Variants in LIMA1 observed in about 807,000 individuals in gnomAD.
LIMA1 encodes LIM domain and actin-binding protein 1.
LIMA1 carries 52 observed loss-of-function variants against 62.6 expected under a neutral mutation model. The observed-to-expected ratio is 0.83, with a 90% CI of 0.67 to 1.05. LIMA1 has a LOEUF of 1.05. LIMA1 is among the 50% of genes least tolerant of loss of function. LIMA1 has a pLI of 0.00. For synonymous variants in LIMA1, 302 were observed against 317.8 expected (o/e 0.95, Z 0.53); for missense variants, 780 against 902.2 (o/e 0.86, Z 1.74).
At chr12:50,206,235 G>A (rs933005401) in intron 4 of LIMA1, among the ~76,000 whole-genome samples, 167 bp from the exon 5 acceptor site, 1 of 151,868 alleles carries the variant, frequency 6.6e-6, no homozygotes, top group Non-Finnish European at 1.5e-5. Context: ...ACATTCACAG[G>A]TGCCCAGGGA....
chr12:50,202,222 G>A (rs1941065673), intron 6 of LIMA1: 1 of 152,240 alleles, frequency 6.6e-6, no homozygotes, highest in Non-Finnish European at 1.5e-5. Flanking sequence ...CTCCAGAACT[G>A]CTGCCAGAGA....
chr12:50,187,748 C>T (rs1312600012), intron 9 of LIMA1: 1 of 152,174 alleles, frequency 6.6e-6, no homozygotes. Context: ...GTGCCATGTT[C>T]TCTCTCAACA....
At chr12:50,199,330 CCAAA>C (rs943282450) in intron 7 of LIMA1, among the ~76,000 whole-genome samples, 13 of 152,140 alleles carry the variant, frequency 8.5e-5, no homozygotes, top group African/African-American at 1.9e-4. Context: ...GACTCCATCT[CCAAA>C]CAAACAAACA....
chr12:50,213,538 A>G (rs1269689116), intron 4 of LIMA1, among the ~76,000 whole-genome samples: 1 of 152,272 alleles, frequency 6.6e-6, no homozygotes, highest in Non-Finnish European at 1.5e-5. Flanking sequence ...GCTGGATTAA[A>G]TAACTTCTTA....
chr12:50,224,051 AAAATT>A (rs753681774), intron 3 of LIMA1, among the ~76,000 whole-genome samples: 23 of 152,278 alleles, frequency 1.5e-4, no homozygotes, highest in South Asian at 4.1e-4. Flanking sequence ...AAAAAAAAGA[AAAATT>A]AAATTAAATT....
chr12:50,260,936 A>ACCC (rs1942059041), intron 1 of LIMA1, among the ~76,000 whole-genome samples: 3 of 150,744 alleles, frequency 2.0e-5, no homozygotes, highest in African/African-American at 7.3e-5. Context: ...GCCCCAAAAA[A>ACCC]AAAAAAAAAA....
chr12:50,255,483 G>A (rs1167425764), intron 1 of LIMA1, among the ~76,000 whole-genome samples: 1 of 148,824 alleles, frequency 6.7e-6, no homozygotes, highest in Non-Finnish European at 1.5e-5. Flanking sequence ...GAGCCTAGAG[G>A]TTAAGGTTGC....
chr12:50,251,495 C>T (rs1460922393), intron 1 of LIMA1, among the ~76,000 whole-genome samples: 1 of 151,778 alleles, frequency 6.6e-6, no homozygotes, highest in Non-Finnish European at 1.5e-5. Context: ...GTGGTACACC[C>T]CTGTAATCCC....
chr12:50,278,749 C>A (rs1186967673), intron 1 of LIMA1, among the ~76,000 whole-genome samples: 1 of 151,930 alleles, frequency 6.6e-6, no homozygotes, highest in Non-Finnish European at 1.5e-5. Context: ...GATTAAATAT[C>A]CATTTAAATG....
chr12:50,255,465 G>A (rs549432793), intron 1 of LIMA1, among the ~76,000 whole-genome samples: 1 of 150,994 alleles, frequency 6.6e-6, no homozygotes, highest in Admixed American at 6.6e-5. Context: ...GGCTGAGGTG[G>A]GTCACTTGAG....
Position 50,239,555 on chromosome 12 carries a change from G to A in LIMA1, c.120-7845C>T, listed in dbSNP as rs147045619. Among the ~76,000 whole-genome samples the A allele has an allele frequency of 7.8e-3, 1,178 of 151,310 alleles. 13 individuals carry two copies. Among genetic ancestry groups the A allele is most frequent in the African/African-American group, 0.027 (1,097 of 41,226 alleles). On this transcript the variant is annotated intron_variant, in intron 2 of 10. Transcript: ENST00000341247. ...ACTCGGAGACTGAGGTGGGAGGATC[G>A]CTTGAACCTGGGAAGAGGAAGTTGC...
At chr12:50,222,766 T>C (rs890382804) in intron 3 of LIMA1, 8 of 1,079,958 alleles carry the variant, frequency 7.4e-6, no homozygotes, top group Admixed American at 7.4e-5. Flanking sequence ...CCAGCTCTAA[T>C]GATAGTTACA....
In LIMA1 at chr12:50,248,740, A is replaced by C. The variant is rs1941886783; in HGVS notation, c.12T>G (p.Ser4=). 1 of 1,594,920 alleles carries C rather than the reference A, an allele frequency of 6.3e-7. No homozygotes were observed. Among genetic ancestry groups the C allele is most frequent in the Admixed American group, 1.7e-5 (1 of 59,936 alleles). The change falls in exon 2 of 11, where the codon TCT becomes TCG. Residue 4 remains serine, a synonymous_variant. Coordinates refer to ENST00000341247, the MANE Select transcript of LIMA1 (RefSeq NM_016357.5). ...AGGTCCATTGCCGTCTATTAAATGGAGATGATTCCATCTTGTCTACAGACA... is the reference window on the plus strand; with the variant it reads ...AGGTCCATTGCCGTCTATTAAATGGCGATGATTCCATCTTGTCTACAGACA... MES[S]PFNRRQWTSL...
intron 1 of LIMA1, among the ~76,000 whole-genome samples, chr12:50,265,895 A>G (rs761934922): frequency 4.0e-5 from 6 of 151,492 alleles, no homozygotes; most frequent in Non-Finnish European, 7.4e-5. Context: ...TCCCATCTCC[A>G]CACAGCACCA....
chr12:50,175,994 A>C lies in LIMA1; in HGVS notation c.*1070T>G, dbSNP rs1363968638. On this transcript the variant is annotated 3_prime_UTR_variant, in exon 11 of 11. Coordinates refer to ENST00000341247, the MANE Select transcript of LIMA1 (RefSeq NM_016357.5). Reference sequence around the variant, plus strand: ...GTGTACAACAAATGTACTCAAGTTTATAATGTCCCCAAACCTTAAGACTAG... The same window carrying C: ...GTGTACAACAAATGTACTCAAGTTTCTAATGTCCCCAAACCTTAAGACTAG... 1 of 152,224 alleles carries C rather than the reference A, an allele frequency of 6.6e-6. No homozygotes were observed. The highest frequency in any genetic ancestry group is 2.4e-5 in the African/African-American group (1 of 41,464). The allele number at this position is 152,224 out of a possible 1,614,324, so 9.4% of individuals were successfully genotyped here.
chr12:50,282,018 A>C (rs930541130), intron 1 of LIMA1, among the ~76,000 whole-genome samples: 1 of 152,236 alleles, frequency 6.6e-6, no homozygotes, highest in African/African-American at 2.4e-5. Context: ...TATTTTGTCC[A>C]AAGAATGAAA....
At chr12:50,235,426 C>T (rs575546010) in intron 2 of LIMA1, among the ~76,000 whole-genome samples, 2 of 151,722 alleles carry the variant, frequency 1.3e-5, no homozygotes, top group Non-Finnish European at 2.9e-5. Context: ...CCGCTATGCC[C>T]GGCTAATTTT....
chr12:50,236,723 G>T (rs967351179), intron 2 of LIMA1, among the ~76,000 whole-genome samples: 3 of 151,868 alleles, frequency 2.0e-5, no homozygotes, highest in Non-Finnish European at 2.9e-5. Flanking sequence ...AAGACTCTCT[G>T]CTCCTTAAAA....
Position 50,206,059 on chromosome 12 carries a change from C to A in LIMA1, c.640G>T (p.Ala214Ser), listed in dbSNP as rs1316471691. Residue 214 changes from alanine (A) to serine (S), a missense_variant, in exon 5 of 11, where the codon GCC becomes TCC. By Grantham distance (99) the Ala-to-Ser change is moderately conservative. Transcript: ENST00000341247. ...GEPTQTKILR[A>S]QSRSASGRKI... Reference sequence around the variant, plus strand: ...CTTCCACTTGCACTTCGGCTTTGGGCCCGGAGAATCTGGAAAACGAAACCC... The same window carrying A: ...CTTCCACTTGCACTTCGGCTTTGGGACCGGAGAATCTGGAAAACGAAACCC... The A allele has an allele frequency of 5.0e-6, 8 of 1,611,758 alleles. No individual in the cohort carries two copies. Among genetic ancestry groups the A allele is most frequent in the Admixed American group, 1.7e-5 (1 of 59,974 alleles).
Sources: allele counts gnomAD v4.1 joint callset (sites outside exome capture counted in the v4.1 genomes callset), GRCh38; gene constraint gnomAD v4.1.1; transcripts MANE v1.5; gene names NCBI Gene and HGNC (gene_info 2026-07-23, HGNC 2026-07-21).